Variants in TTC29 observed in about 807,000 individuals in gnomAD.
The protein encoded by TTC29 is tetratricopeptide repeat domain 29.
A neutral mutation model predicts 58.1 loss-of-function variants in TTC29; 49 were observed. That is an observed-to-expected ratio of 0.84 (90% CI 0.67 to 1.07). TTC29 has a LOEUF of 1.07. TTC29 is among the 50% of genes least tolerant of loss of function. The pLI is 0.00. For synonymous variants in TTC29, 209 were observed against 196.8 expected, an observed-to-expected ratio of 1.06 and a Z score of -0.52; for missense variants, 582 against 555.6, an observed-to-expected ratio of 1.05 and a Z score of -0.48.
At chr4:146,840,299 G>A (rs1728773960) in intron 8 of TTC29, among the ~76,000 whole-genome samples, 1 of 151,774 alleles carries the variant, frequency 6.6e-6, no homozygotes, top group Non-Finnish European at 1.5e-5. Flanking sequence ...CAGCAGATGT[G>A]ATCCCAGTAA....
At chr4:146,783,495 A>G (rs1284531583) in intron 11 of TTC29, among the ~76,000 whole-genome samples, 1 of 152,076 alleles carries the variant, frequency 6.6e-6, no homozygotes, top group Non-Finnish European at 1.5e-5. Context: ...ATGTGAACAC[A>G]TTTTGATTCA....
intron 11 of TTC29, among the ~76,000 whole-genome samples, chr4:146,724,142 T>C (rs1417426960): frequency 2.0e-5 from 3 of 152,216 alleles, no homozygotes; most frequent in Admixed American, 2.0e-4. Flanking sequence ...AAATACTGCA[T>C]GTTCTCACTT....
chr4:146,726,042 T>C (rs972280906), intron 11 of TTC29, among the ~76,000 whole-genome samples: 2 of 152,118 alleles, frequency 1.3e-5, no homozygotes, highest in African/African-American at 4.8e-5. Context: ...TCAGCTAATT[T>C]TTTATTTTAA....
At chr4:146,883,266 A>C (rs1731753222) in intron 6 of TTC29, among the ~76,000 whole-genome samples, 1 of 152,066 alleles carries the variant, frequency 6.6e-6, no homozygotes, top group Non-Finnish European at 1.5e-5. Flanking sequence ...AGAATTCTGA[A>C]GTATGGGTAA....
At chr4:146,929,191 A>G (rs568885965) in intron 4 of TTC29, among the ~76,000 whole-genome samples, 1 of 152,346 alleles carries the variant, frequency 6.6e-6, no homozygotes, top group Admixed American at 6.5e-5. Context: ...CTAATAAAGC[A>G]AAACATATAA....
chr4:146,758,552 C>T (rs115526339), intron 11 of TTC29, among the ~76,000 whole-genome samples: 7,365 of 152,076 alleles, frequency 0.048, 611 homozygotes, highest in African/African-American at 0.17. Context: ...TATCCAACAG[C>T]GCATGGAACT....
At position 146,909,006 on chromosome 4, in the gene TTC29, C is replaced by CCAAAAGA; in HGVS notation, c.400+19_400+20insTCTTTTG. The CCAAAAGA allele has an allele frequency of 6.2e-7, 1 of 1,605,722 alleles. No homozygotes were observed. Among genetic ancestry groups the CCAAAAGA allele is most frequent in the Non-Finnish European group, 8.5e-7 (1 of 1,173,292 alleles). ...GTGTTCTGGCTCCTTCTGTGCTCTG[C>CCAAAAGA]CCACAGTCCCACCACTTACCTTTCC... On this transcript the variant is annotated intron_variant, in intron 5 of 12. Transcript: ENST00000325106.
intron 8 of TTC29, among the ~76,000 whole-genome samples, chr4:146,850,088 G>A (rs188398289): frequency 6.6e-6 from 1 of 152,282 alleles, no homozygotes; most frequent in Non-Finnish European, 1.5e-5. Context: ...CAATGGGAGG[G>A]AAGGTCCACA....
intron 3 of TTC29, among the ~76,000 whole-genome samples, chr4:146,939,166 C>A (rs1736126358): frequency 6.6e-6 from 1 of 152,092 alleles, no homozygotes; most frequent in Non-Finnish European, 1.5e-5. Flanking sequence ...AAGCATTACA[C>A]CTTTCAGTCT....
At chr4:146,780,768 T>C (rs1334476593) in intron 11 of TTC29, among the ~76,000 whole-genome samples, 1 of 152,110 alleles carries the variant, frequency 6.6e-6, no homozygotes, top group Admixed American at 6.6e-5. Flanking sequence ...AAACTTAGAA[T>C]GATTTTTGAA....
At chr4:146,918,588 TAACA>T (rs891511839) in intron 4 of TTC29, among the ~76,000 whole-genome samples, 14 of 151,294 alleles carry the variant, frequency 9.3e-5, no homozygotes, top group Admixed American at 2.6e-4. Context: ...TGATGATTAT[TAACA>T]AATATCAGAG....
intron 11 of TTC29, among the ~76,000 whole-genome samples, chr4:146,761,522 C>A (rs1267405605): frequency 6.6e-6 from 1 of 151,904 alleles, no homozygotes; most frequent in African/African-American, 2.4e-5. Flanking sequence ...ACTTTGTACA[C>A]TGCATGCATA....
chr4:146,707,674 ATG>A, intron 11 of TTC29, 123 bp from the exon 12 acceptor site: 1 of 630,758 alleles, frequency 1.6e-6, no homozygotes, highest in Non-Finnish European at 2.7e-6. Context: ...ATAAGGGTGT[ATG>A]TATCACCAGG....
intron 9 of TTC29, among the ~76,000 whole-genome samples, chr4:146,827,751 T>C (rs1417018565): frequency 6.6e-6 from 1 of 152,226 alleles, no homozygotes; most frequent in Non-Finnish European, 1.5e-5. Flanking sequence ...AGTGTTATTA[T>C]TATCTCTCAG....
At chr4:146,801,651 G>A (rs1331274276) in intron 11 of TTC29, among the ~76,000 whole-genome samples, 1 of 151,932 alleles carries the variant, frequency 6.6e-6, no homozygotes, top group Non-Finnish European at 1.5e-5. Flanking sequence ...AACATAAAAA[G>A]TATAGAAAAA....
intron 10 of TTC29, among the ~76,000 whole-genome samples, chr4:146,817,842 C>G (rs1346177196): frequency 6.6e-6 from 1 of 152,120 alleles, no homozygotes; most frequent in African/African-American, 2.4e-5. Context: ...AAAGGATTCC[C>G]TATTTAATAC....
intron 6 of TTC29, among the ~76,000 whole-genome samples, chr4:146,903,277 CT>C (rs1733278886): frequency 1.3e-5 from 2 of 152,032 alleles, no homozygotes; most frequent in East Asian, 3.9e-4. Flanking sequence ...GGGGAGAATG[CT>C]TTCTCTTGGT....
At chr4:146,815,918 A>G (rs1029686172) in intron 10 of TTC29, among the ~76,000 whole-genome samples, 4 of 152,126 alleles carry the variant, frequency 2.6e-5, no homozygotes, top group African/African-American at 9.7e-5. Context: ...TTGCTAACCA[A>G]TATTTTCCTA....
intron 8 of TTC29, among the ~76,000 whole-genome samples, chr4:146,854,587 T>G (rs1385397657): frequency 6.6e-6 from 1 of 152,076 alleles, no homozygotes; most frequent in Non-Finnish European, 1.5e-5. Context: ...CCCTTTCCCC[T>G]CCATAAGCCC....
Sources: gnomAD v4.1 joint callset for allele counts (sites outside exome capture counted in the v4.1 genomes callset) on GRCh38, gnomAD v4.1.1 for gene constraint, MANE v1.5 for transcripts, NCBI Gene and HGNC (gene_info 2026-07-23, HGNC 2026-07-21) for gene names.